ASIC2: variants seen among roughly 807,000 people sequenced by gnomAD.
The protein encoded by ASIC2 is acid-sensing ion channel 2.
ASIC2 carries 25 observed loss-of-function variants against 57.3 expected under a neutral mutation model. That is an observed-to-expected ratio of 0.44 (90% CI 0.32 to 0.61). The LOEUF (loss-of-function observed/expected upper bound fraction) is 0.61. ASIC2 is among the 20% of genes least tolerant of loss of function. The pLI, the probability that ASIC2 is intolerant of heterozygous loss-of-function variation, is 0.06. For missense variants in ASIC2, 641 were observed against 738.1 expected, an observed-to-expected ratio of 0.87 and a Z score of 1.52; for synonymous variants, 319 against 307.5, an observed-to-expected ratio of 1.04 and a Z score of -0.39.
At chr17:33,309,701 A>G (rs1237253854) in intron 1 of ASIC2, among the ~76,000 whole-genome samples, 1 of 151,930 alleles carries the variant, frequency 6.6e-6, no homozygotes, top group African/African-American at 2.4e-5. Flanking sequence ...CCCCGTGTCC[A>G]TCCCTTAAAA....
At chr17:34,090,770 T>A (rs1035458811) in intron 1 of ASIC2, among the ~76,000 whole-genome samples, 14 of 152,148 alleles carry the variant, frequency 9.2e-5, no homozygotes, top group Non-Finnish European at 1.5e-5. Context: ...CCAAAAGTAC[T>A]CAGCCAGAGA....
intron 1 of ASIC2, among the ~76,000 whole-genome samples, chr17:34,136,352 G>C (rs573891899): frequency 6.6e-6 from 1 of 152,182 alleles, no homozygotes; most frequent in South Asian, 2.1e-4. Flanking sequence ...ATATCTTCTT[G>C]ATCCAGGAGA....
intron 1 of ASIC2, among the ~76,000 whole-genome samples, chr17:33,389,385 T>A: frequency 6.6e-6 from 1 of 152,178 alleles, no homozygotes; most frequent in East Asian, 1.9e-4. Context: ...AATATTGATA[T>A]GAACACTAAA....
chr17:33,298,060 C>T (rs1190890453), upstream of ASIC2, among the ~76,000 whole-genome samples: 1 of 147,934 alleles, frequency 6.8e-6, no homozygotes, highest in African/African-American at 2.5e-5. Flanking sequence ...TTCCCTTTTT[C>T]TCTCTCCAAC....
chr17:34,084,822 C>T (rs972984588), intron 1 of ASIC2, among the ~76,000 whole-genome samples: 4 of 152,160 alleles, frequency 2.6e-5, no homozygotes, highest in Non-Finnish European at 4.4e-5. Context: ...TGGGAGTTCA[C>T]TCATGATTTG....
At chr17:33,745,568 A>C (rs1470162306) in intron 1 of ASIC2, among the ~76,000 whole-genome samples, 1 of 152,092 alleles carries the variant, frequency 6.6e-6, no homozygotes, top group African/African-American at 2.4e-5. Context: ...ATCACATAAA[A>C]GGGAAACCCA....
At chr17:33,231,674 G>A (rs532820088) in intron 1 of ASIC2, among the ~76,000 whole-genome samples, 414 of 152,212 alleles carry the variant, frequency 2.7e-3, no homozygotes, top group Non-Finnish European at 4.7e-3. Context: ...TGTGATCAGG[G>A]TTCTGGAACT....
At chr17:33,951,954 A>G (rs905565069) in intron 1 of ASIC2, among the ~76,000 whole-genome samples, 1 of 152,098 alleles carries the variant, frequency 6.6e-6, no homozygotes, top group Non-Finnish European at 1.5e-5. Flanking sequence ...GATACATTTC[A>G]GAGGAGGGGA....
intron 1 of ASIC2, among the ~76,000 whole-genome samples, chr17:33,303,967 AT>A (rs1394836187): frequency 5.9e-5 from 9 of 152,248 alleles, no homozygotes; most frequent in Admixed American, 5.9e-4. Flanking sequence ...TAGTGATTCC[AT>A]ACCCTAGGGT....
chr17:33,911,292 T>A (rs1180069045), intron 1 of ASIC2, among the ~76,000 whole-genome samples: 4 of 152,136 alleles, frequency 2.6e-5, no homozygotes, highest in Non-Finnish European at 5.9e-5. Context: ...AACCCCACAC[T>A]CATGGGAGTT....
intron 1 of ASIC2, among the ~76,000 whole-genome samples, chr17:33,795,835 G>A (rs1244826988): frequency 1.3e-5 from 2 of 152,226 alleles, no homozygotes; most frequent in South Asian, 2.1e-4. Flanking sequence ...TTCAATGGGA[G>A]CAAACTCCCT....
At chr17:33,115,015 T>C (rs1342115651) in intron 1 of ASIC2, among the ~76,000 whole-genome samples, 1 of 152,222 alleles carries the variant, frequency 6.6e-6, no homozygotes, top group Non-Finnish European at 1.5e-5. Context: ...AGGCTTTCCC[T>C]GTCAAAGAGG....
intron 1 of ASIC2, among the ~76,000 whole-genome samples, chr17:33,535,405 T>TG (rs1915197055): frequency 6.6e-6 from 1 of 151,982 alleles, no homozygotes; most frequent in African/African-American, 2.4e-5. Context: ...CCCGAGTAGC[T>TG]GGGACTACAG....
chr17:34,089,226 G>A (rs1253812450), intron 1 of ASIC2, among the ~76,000 whole-genome samples: 1 of 152,176 alleles, frequency 6.6e-6, no homozygotes, highest in Non-Finnish European at 1.5e-5. Flanking sequence ...AAGCATCAAT[G>A]CTCAGGCAGA....
At chr17:33,434,803 C>T (rs573535786) in intron 1 of ASIC2, among the ~76,000 whole-genome samples, 23 of 152,142 alleles carry the variant, frequency 1.5e-4, no homozygotes, top group East Asian at 5.8e-4. Flanking sequence ...AAGGTTAGAA[C>T]GGAGAGTAAG....
intron 1 of ASIC2, among the ~76,000 whole-genome samples, chr17:33,782,548 G>A (rs867322039): frequency 3.3e-5 from 5 of 152,012 alleles, no homozygotes; most frequent in African/African-American, 4.8e-5. Flanking sequence ...CCAACATAGC[G>A]AAACCTTGTC....
At chr17:33,790,731 A>G (rs1026980030) in intron 1 of ASIC2, among the ~76,000 whole-genome samples, 3 of 152,080 alleles carry the variant, frequency 2.0e-5, no homozygotes, top group African/African-American at 4.8e-5. Flanking sequence ...TATCATCTCT[A>G]TCATCTCTTA....
intron 1 of ASIC2, among the ~76,000 whole-genome samples, chr17:33,839,804 G>C (rs1913380036): frequency 6.6e-6 from 1 of 152,188 alleles, no homozygotes; most frequent in South Asian, 2.1e-4. Flanking sequence ...CCCAGCAGCA[G>C]CAGCAGCAGC....
intron 1 of ASIC2, among the ~76,000 whole-genome samples, chr17:34,047,506 CAGAAAAAAAA>C (rs1483383928): frequency 0.013 from 902 of 68,344 alleles, 12 homozygotes; most frequent in African/African-American, 0.04. Context: ...CACCTTTCTC[CAGAAAAAAAA>C]AAAAAAAAAA....
Sources: allele counts gnomAD v4.1 joint callset (sites outside exome capture counted in the v4.1 genomes callset), GRCh38; gene constraint gnomAD v4.1.1; transcripts MANE v1.5; gene names NCBI Gene and HGNC (gene_info 2026-07-23, HGNC 2026-07-21).